GRIA2: variants seen among roughly 807,000 people sequenced by gnomAD.
The protein encoded by GRIA2 is glutamate receptor 2.
GRIA2 carries 14 observed loss-of-function variants against 97.3 expected under a neutral mutation model. That is an observed-to-expected ratio of 0.14 (90% CI 0.10 to 0.23). The LOEUF is 0.23. GRIA2 is among the 10% of genes least tolerant of loss of function. The pLI is 1.00. For missense variants in GRIA2, 558 were observed against 1,069.8 expected (o/e 0.52, Z 6.67); for synonymous variants, 412 against 387.8 (o/e 1.06, Z -0.73).
intron 13 of GRIA2, among the ~76,000 whole-genome samples, chr4:157,360,451 T>C (rs917717012): frequency 1.1e-4 from 16 of 152,162 alleles, no homozygotes; most frequent in African/African-American, 1.2e-4. Flanking sequence ...AGTTTTTTTT[T>C]CCACATTTCT....
chr4:157,230,494 C>A lies in GRIA2; in HGVS notation c.229+8687C>A, dbSNP rs535157535. ...AAGAATTTGCAACTCGAAATTAATT[C>A]ATTCCTTCCTTCCTTCCTTCTTTCC... On this transcript the variant is annotated intron_variant, in intron 2 of 15. Coordinates refer to ENST00000264426, the MANE Select transcript of GRIA2 (RefSeq NM_001083619.3). Among the ~76,000 whole-genome samples the A allele has an allele frequency of 4.0e-5, 6 of 151,756 alleles. No homozygotes were observed. In the East Asian group the frequency reaches 9.7e-4, roughly 25 times the overall value.
chr4:157,246,073 G>A (rs1730718879), intron 2 of GRIA2, among the ~76,000 whole-genome samples: 1 of 151,996 alleles, frequency 6.6e-6, no homozygotes, highest in Non-Finnish European at 1.5e-5. Context: ...TGACAGTAGA[G>A]GTTTATATTC....
At chr4:157,227,307 T>C (rs1050453893) in intron 2 of GRIA2, among the ~76,000 whole-genome samples, 2 of 152,128 alleles carry the variant, frequency 1.3e-5, no homozygotes, top group African/African-American at 4.8e-5. Flanking sequence ...AGATCTCAAG[T>C]TTTCTCATAA....
chr4:157,341,567 C>T, intron 12 of GRIA2, 105 bp downstream of exon 12: 1 of 734,336 alleles, frequency 1.4e-6, no homozygotes, highest in South Asian at 1.6e-5. Context: ...GTGAAAGCAC[C>T]CCTAATTCTA....
At chr4:157,324,306 T>A (rs1303033393) in intron 6 of GRIA2, among the ~76,000 whole-genome samples, 1 of 152,184 alleles carries the variant, frequency 6.6e-6, no homozygotes, top group Non-Finnish European at 1.5e-5. Context: ...AAGTTTATCC[T>A]AACAAAGAAA....
intron 6 of GRIA2, among the ~76,000 whole-genome samples, chr4:157,329,257 G>T (rs1479255383): frequency 6.6e-6 from 1 of 151,638 alleles, no homozygotes; most frequent in African/African-American, 2.4e-5. Context: ...TTTTGACCCT[G>T]TTTTAAATTA....
At chr4:157,275,601 C>G (rs916048895) in intron 2 of GRIA2, among the ~76,000 whole-genome samples, 1 of 152,110 alleles carries the variant, frequency 6.6e-6, no homozygotes, top group Non-Finnish European at 1.5e-5. Flanking sequence ...AGTCAGTTTT[C>G]CCAGCACCAT....
chr4:157,335,951 G>A, intron 10 of GRIA2, 74 bp downstream of exon 10: 1 of 935,030 alleles, frequency 1.1e-6, no homozygotes, highest in South Asian at 1.4e-5. Context: ...CTCTCCCTGT[G>A]AAGTATCTAT....
intron 11 of GRIA2, among the ~76,000 whole-genome samples, chr4:157,340,866 A>G (rs1735516824): frequency 6.6e-6 from 1 of 151,270 alleles, no homozygotes; most frequent in Non-Finnish European, 1.5e-5. Flanking sequence ...TTAATTTTTG[A>G]TTTTGTTCAT....
At chr4:157,230,579 T>TTTCC (rs147877738) in intron 2 of GRIA2, among the ~76,000 whole-genome samples, 121,795 of 135,734 alleles carry the variant, frequency 0.9, 55,308 homozygotes, top group East Asian at 0.98. Context: ...TCCTTCCTTC[T>TTTCC]TTCCTTCCTT....
In GRIA2 at chr4:157,349,238, A is replaced by T. The variant is rs186593258; in HGVS notation, c.2043+7776A>T. Reference sequence around the variant, plus strand: ...TACCAAAGGGATTTATACTGATACTACAAGGGGCCCATTCTGTCTTATGTA... The same window carrying T: ...TACCAAAGGGATTTATACTGATACTTCAAGGGGCCCATTCTGTCTTATGTA... On this transcript the variant is annotated intron_variant, in intron 12 of 15. Transcript: ENST00000264426. Among the ~76,000 whole-genome samples, 348 of 152,260 alleles carry T rather than the reference A, an allele frequency of 2.3e-3. 4 individuals carry two copies. The highest frequency in any genetic ancestry group is 0.022 in the Admixed American group (331 of 15,284).
At chr4:157,310,932 T>C (rs1347738425) in intron 3 of GRIA2, among the ~76,000 whole-genome samples, 2 of 152,068 alleles carry the variant, frequency 1.3e-5, no homozygotes, top group Non-Finnish European at 2.9e-5. Flanking sequence ...AATAGGTATA[T>C]ACCTATTCAA....
intron 2 of GRIA2, among the ~76,000 whole-genome samples, chr4:157,256,254 A>ATATATAAT (rs11416827): frequency 9.4e-6 from 1 of 106,658 alleles, no homozygotes; most frequent in African/African-American, 3.7e-5. Context: ...ATAATATATA[A>ATATATAAT]ATTATATATT....
intron 2 of GRIA2, among the ~76,000 whole-genome samples, chr4:157,240,866 C>G (rs572482277): frequency 1.3e-4 from 19 of 151,764 alleles, no homozygotes; most frequent in Admixed American, 5.9e-4. Context: ...CCTCTCCCCC[C>G]ACCCCACAAC....
intron 11 of GRIA2, among the ~76,000 whole-genome samples, chr4:157,340,894 T>C (rs1397017611): frequency 2.0e-5 from 3 of 152,030 alleles, no homozygotes; most frequent in Non-Finnish European, 4.4e-5. Flanking sequence ...GTTATGAGGT[T>C]TGCTGGTGAT....
intron 2 of GRIA2, among the ~76,000 whole-genome samples, chr4:157,255,350 A>G (rs191395762): frequency 6.6e-6 from 1 of 152,184 alleles, no homozygotes; most frequent in Non-Finnish European, 1.5e-5. Flanking sequence ...TTTTGTGAAC[A>G]GTGATGCGAT....
At chr4:157,312,343 C>G (rs1057108575) in intron 3 of GRIA2, among the ~76,000 whole-genome samples, 8 of 152,116 alleles carry the variant, frequency 5.3e-5, no homozygotes, top group African/African-American at 1.9e-4. Flanking sequence ...GTTTGTGATG[C>G]CATTTCATTT....
chr4:157,293,658 T>G (rs2126841650), intron 2 of GRIA2, among the ~76,000 whole-genome samples: 1 of 152,232 alleles, frequency 6.6e-6, no homozygotes, highest in South Asian at 2.1e-4. Flanking sequence ...ATTTTTGAAT[T>G]ACAGACATTT....
chr4:157,333,193 T>A, intron 7 of GRIA2, 56 bp from the exon 8 acceptor site: 1 of 1,043,378 alleles, frequency 9.6e-7, no homozygotes, highest in Non-Finnish European at 1.4e-6. Flanking sequence ...CTGTACAGTG[T>A]ATATGTTTGG....
Sources: allele counts gnomAD v4.1 joint callset (sites outside exome capture counted in the v4.1 genomes callset), GRCh38; gene constraint gnomAD v4.1.1; transcripts MANE v1.5; gene names NCBI Gene and HGNC (gene_info 2026-07-23, HGNC 2026-07-21).